Variants in PHIP observed in about 807,000 individuals in gnomAD.
PHIP encodes the protein PH-interacting protein.
In PHIP, 54 loss-of-function variants were observed where a neutral mutation model predicts 236.8. The ratio of observed to expected loss-of-function variants is 0.23; its 90% CI spans 0.18 to 0.29. The LOEUF is 0.29. Ranked by LOEUF, PHIP falls within the 10% of genes least tolerant of loss-of-function variation. The probability of loss-of-function intolerance (pLI) is 1.00; values close to 1 mark genes in which losing one functional copy is unlikely to be tolerated. For synonymous variants in PHIP, 756 were observed against 718.9 expected (o/e 1.05, Z -0.83); for missense variants, 1,370 against 2,190.8 (o/e 0.63, Z 7.48).
intron 6 of PHIP, among the ~76,000 whole-genome samples, chr6:79,059,626 A>T (rs10943614): frequency 0.028 from 1,200 of 42,532 alleles, 8 homozygotes; most frequent in East Asian, 0.04. Context: ...TATATATATA[A>T]AAATGCCAAA....
In PHIP at chr6:78,939,648, T is replaced by C. The variant is rs995325953; in HGVS notation, c.*1045A>G. 2.0e-5 allele frequency: 3 copies of C among 151,964 alleles called. No individual in the cohort carries two copies. The highest frequency in any genetic ancestry group is 4.4e-5 in the Non-Finnish European group (3 of 67,812). The allele number at this position is 151,964 out of a possible 1,614,324, so 9.4% of individuals were successfully genotyped here. A position where few individuals can be genotyped will look rare whatever the true frequency, so the allele number is the denominator to read the frequency against. On this transcript the variant is annotated 3_prime_UTR_variant, in exon 40 of 40. Coordinates refer to ENST00000275034, the MANE Select transcript of PHIP (RefSeq NM_017934.7). ...ATACACATACACACACAGACACGTTTCTTTGTAAGTCATTTTAGGCTATTA... is the reference window on the plus strand; with the variant it reads ...ATACACATACACACACAGACACGTTCCTTTGTAAGTCATTTTAGGCTATTA...
intron 7 of PHIP, among the ~76,000 whole-genome samples, chr6:79,036,150 C>G (rs1450175709): frequency 6.6e-6 from 1 of 152,168 alleles, no homozygotes; most frequent in East Asian, 1.9e-4. Flanking sequence ...TATTGCCAAG[C>G]TTTATCAGTA....
At chr6:78,958,187 A>T (rs1766549486) in intron 32 of PHIP, 1 of 221,456 alleles carries the variant, frequency 4.5e-6, no homozygotes, top group Admixed American at 5.3e-5. Flanking sequence ...ATTGTCTAAC[A>T]GTTAGATTGA....
intron 27 of PHIP, 111 bp from the exon 28 acceptor site, chr6:78,966,167 C>A: frequency 3.0e-6 from 2 of 675,072 alleles, no homozygotes; most frequent in Non-Finnish European, 5.3e-6. Context: ...TTTCAGAAGA[C>A]AAAAAGTGAA....
chr6:78,989,802 T>C (rs144916797), intron 20 of PHIP, among the ~76,000 whole-genome samples: 1,547 of 152,294 alleles, frequency 0.01, 16 homozygotes, highest in African/African-American at 0.031. Flanking sequence ...ATCATCATTA[T>C]ATAAGTTTAT....
Position 79,078,092 on chromosome 6 carries a change from C to T in PHIP, c.-24G>A, listed in dbSNP as rs1774284970. ...ATGTTTATGGGTCACTTCAGGGCCG[C>T]CGACGGGACACCCCGCCGCCGAGGG... is the stretch of plus-strand genomic sequence containing the variant. On this transcript the variant is annotated 5_prime_UTR_variant, in exon 1 of 40. Coordinates refer to ENST00000275034, the MANE Select transcript of PHIP (RefSeq NM_017934.7). The T allele has an allele frequency of 6.2e-7, 1 of 1,605,502 alleles. No homozygotes were observed. The highest frequency in any genetic ancestry group is 1.1e-5 in the South Asian group (1 of 90,604).
At chr6:79,017,192 T>C (rs1411969855) in intron 12 of PHIP, among the ~76,000 whole-genome samples, 154 bp downstream of exon 12, 2 of 152,014 alleles carry the variant, frequency 1.3e-5, no homozygotes, top group African/African-American at 4.8e-5. Flanking sequence ...GACGTGCCTA[T>C]GCATGTGAAG....
At chr6:79,075,808 G>A (rs747764850) in intron 4 of PHIP, among the ~76,000 whole-genome samples, 1 of 152,058 alleles carries the variant, frequency 6.6e-6, no homozygotes, top group Non-Finnish European at 1.5e-5. Context: ...ATGCACAGAT[G>A]TAAAAGCAGA....
chr6:79,068,924 T>C (rs1357920351), intron 4 of PHIP, among the ~76,000 whole-genome samples: 2 of 152,116 alleles, frequency 1.3e-5, no homozygotes, highest in African/African-American at 2.4e-5. Context: ...ATCATTTGTC[T>C]AACTAGGCTT....
chr6:78,970,325 A>C (rs1309546298), intron 25 of PHIP, 152 bp from the exon 26 acceptor site: 2 of 623,274 alleles, frequency 3.2e-6, no homozygotes, highest in Non-Finnish European at 5.5e-6. Context: ...CTCTGTATTA[A>C]GATTTGTGCA....
chr6:79,011,596 A>C (rs1459167189), intron 15 of PHIP, among the ~76,000 whole-genome samples: 1 of 151,746 alleles, frequency 6.6e-6, no homozygotes, highest in African/African-American at 2.4e-5. Flanking sequence ...TCTTATAAGT[A>C]ACAAAAACAA....
intron 14 of PHIP, 104 bp downstream of exon 14, chr6:79,015,526 G>A (rs1770795013): frequency 7.0e-6 from 6 of 860,740 alleles, no homozygotes; most frequent in Non-Finnish European, 1.1e-5. Flanking sequence ...ACCCCAGCAA[G>A]CAAGAGTTTT....
chr6:79,050,279 C>A lies in PHIP; in HGVS notation c.440-7276G>T, dbSNP rs542376305. On this transcript the variant is annotated intron_variant, in intron 6 of 39. Coordinates refer to ENST00000275034, the MANE Select transcript of PHIP (RefSeq NM_017934.7). ...CTAGTATTTACTGAGTGTTTTACTA[C>A]ATGCCAGGCACTATTCTAAATATTT... 2.6e-5 allele frequency among the ~76,000 whole-genome samples: 4 copies of A among 152,278 alleles called. No homozygotes were observed. The East Asian group carries it at 7.7e-4, about 29-fold the overall frequency.
At chr6:79,012,068 T>C (rs1770605610) in intron 15 of PHIP, among the ~76,000 whole-genome samples, 1 of 151,682 alleles carries the variant, frequency 6.6e-6, no homozygotes, top group African/African-American at 2.4e-5. Flanking sequence ...GATTTTTGGC[T>C]ATTTCTAAAA....
intron 7 of PHIP, among the ~76,000 whole-genome samples, chr6:79,035,531 T>G (rs1382964785): frequency 6.6e-6 from 1 of 152,178 alleles, no homozygotes; most frequent in Non-Finnish European, 1.5e-5. Context: ...TATGTGATTT[T>G]TTAACTAAAA....
chr6:78,945,713 A>C, intron 38 of PHIP: 1 of 601,324 alleles, frequency 1.7e-6, no homozygotes, highest in Admixed American at 2.6e-5. Context: ...TCATTTCAAA[A>C]TTTCGAAGGC....
At chr6:78,982,644 A>T (rs1435806932) in intron 23 of PHIP, among the ~76,000 whole-genome samples, 1 of 152,148 alleles carries the variant, frequency 6.6e-6, no homozygotes, top group Admixed American at 6.6e-5. Context: ...TTTTAAGGTT[A>T]AATGTTCAAT....
chr6:79,048,739 G>A (rs1014570119), intron 6 of PHIP, among the ~76,000 whole-genome samples: 1 of 152,100 alleles, frequency 6.6e-6, no homozygotes, highest in Non-Finnish European at 1.5e-5. Context: ...CTCCAGTGTA[G>A]GAAAGCTGTT....
chr6:79,025,661 C>A (rs750758699), intron 8 of PHIP, 42 bp from the exon 9 acceptor site: 1 of 1,232,322 alleles, frequency 8.1e-7, no homozygotes, highest in Non-Finnish European at 1.2e-6. Context: ...ACAAGAGTGA[C>A]ACAGTCAAAA....
Sources: allele counts gnomAD v4.1 joint callset (sites outside exome capture counted in the v4.1 genomes callset), GRCh38; gene constraint gnomAD v4.1.1; transcripts MANE v1.5; gene names NCBI Gene and HGNC (gene_info 2026-07-23, HGNC 2026-07-21).